Variants in SVIL observed in about 807,000 individuals in gnomAD.
The protein encoded by SVIL is supervillin, also known as archvillin.
Under a neutral mutation model 240.4 loss-of-function variants are expected in SVIL, and 101 were observed. That is an observed-to-expected ratio of 0.42 (90% CI 0.36 to 0.50). The LOEUF (loss-of-function observed/expected upper bound fraction) is 0.50. Ranked by LOEUF, SVIL falls within the 20% of genes least tolerant of loss-of-function variation. The probability of loss-of-function intolerance (pLI) is 0.01; values close to 1 mark genes in which losing one functional copy is unlikely to be tolerated. For synonymous variants in SVIL, 999 were observed against 1,100.0 expected (o/e 0.91, Z 1.82); for missense variants, 2,512 against 2,818.7 (o/e 0.89, Z 2.46).
At position 29,559,041 on chromosome 10, in the gene SVIL, C is replaced by T. The variant is rs953654569; in HGVS notation, c.-50-3933G>A. Among the ~76,000 whole-genome samples, 5 of 150,054 alleles carry T rather than the reference C, an allele frequency of 3.3e-5. No individual in the cohort carries two copies. In the South Asian group the frequency reaches 1.1e-3, roughly 32 times the overall value. On this transcript the variant is annotated intron_variant, in intron 3 of 37. Transcript: ENST00000355867. ...TAATCATATAAAACATGTTTTTGTA[C>T]TATTAATAGCATAAAGCCAATACTA...
chr10:29,496,640 T>C, intron 18 of SVIL: 1 of 265,714 alleles, frequency 3.8e-6, no homozygotes, highest in South Asian at 3.5e-5. Flanking sequence ...AATGAATGGC[T>C]CATGGCAGGG....
At chr10:29,687,008 T>TA (rs1011129727) in intron 1 of SVIL, among the ~76,000 whole-genome samples, 3 of 152,136 alleles carry the variant, frequency 2.0e-5, no homozygotes, top group East Asian at 1.9e-4. Flanking sequence ...AATAAAAGAT[T>TA]AAGCCTGGAG....
At chr10:29,597,522 C>A (rs1035372530) in intron 1 of SVIL, among the ~76,000 whole-genome samples, 1 of 152,054 alleles carries the variant, frequency 6.6e-6, no homozygotes, top group African/African-American at 2.4e-5. Flanking sequence ...GGTTCAGCCT[C>A]ACGAGTAGCT....
At chr10:29,588,416 T>A (rs377546667) in intron 1 of SVIL, among the ~76,000 whole-genome samples, 1 of 151,026 alleles carries the variant, frequency 6.6e-6, no homozygotes, top group Non-Finnish European at 1.5e-5. Flanking sequence ...TCCTGTGCAG[T>A]TTCTTGGACA....
At chr10:29,560,425 C>T (rs575441090) in intron 3 of SVIL, among the ~76,000 whole-genome samples, 2 of 152,210 alleles carry the variant, frequency 1.3e-5, no homozygotes, top group East Asian at 1.9e-4. Context: ...TGGAGTAATA[C>T]GTTTGGTCCA....
chr10:29,462,225 A>C, intron 36 of SVIL, 52 bp downstream of exon 36: 4 of 1,579,890 alleles, frequency 2.5e-6, no homozygotes, highest in Non-Finnish European at 3.4e-6. Flanking sequence ...AAGTTAACCC[A>C]CAATCCAAAA....
chr10:29,554,804 C>A lies in SVIL; in HGVS notation c.139G>T (p.Asp47Tyr). 9 of 1,606,676 alleles carry A rather than the reference C, an allele frequency of 5.6e-6. No individual in the cohort carries two copies. Among genetic ancestry groups the A allele is most frequent in the Non-Finnish European group, 5.9e-6 (7 of 1,176,574 alleles). ...EDTPRYMRAS[D>Y]PASPHIGRSN... ...TCACCGATGTGGGGGCTGGCAGGGT[C>A]GCTGGCTCTCATGTATCGAGGGGTG... is the stretch of plus-strand genomic sequence containing the variant. Residue 47 changes from aspartate to tyrosine, a missense_variant, in exon 5 of 38, where the codon GAC (aspartate) becomes TAC (tyrosine). Around this residue, in one of 3 missense-constraint regions of SVIL, gnomAD observed 1,443 missense variants for 1,486.6 expected, o/e 0.97. Coordinates refer to ENST00000355867, the MANE Select transcript of SVIL (RefSeq NM_021738.3).
At chr10:29,461,722 T>C (rs868007008) in intron 36 of SVIL, among the ~76,000 whole-genome samples, 1 of 152,196 alleles carries the variant, frequency 6.6e-6, no homozygotes, top group Non-Finnish European at 1.5e-5. Context: ...TTTTGGTGGA[T>C]AGAAGTTATG....
intron 3 of SVIL, among the ~76,000 whole-genome samples, chr10:29,656,774 G>A (rs1346244746): frequency 6.6e-6 from 1 of 152,190 alleles, no homozygotes; most frequent in Non-Finnish European, 1.5e-5. Flanking sequence ...CTCCTCGGCT[G>A]CAGCACCCAA....
intron 1 of SVIL, among the ~76,000 whole-genome samples, chr10:29,730,350 C>G (rs180887926): frequency 2.0e-5 from 3 of 152,256 alleles, no homozygotes; most frequent in Admixed American, 1.3e-4. Flanking sequence ...GAGACTCAAC[C>G]TCCAGCTTCG....
chr10:29,606,943 C>T (rs1195651908), intron 1 of SVIL, among the ~76,000 whole-genome samples: 1 of 151,988 alleles, frequency 6.6e-6, no homozygotes, highest in Admixed American at 6.6e-5. Flanking sequence ...TTAGTAGAGA[C>T]GAGGTTTCAC....
intron 1 of SVIL, among the ~76,000 whole-genome samples, chr10:29,633,430 T>C (rs545098680): frequency 1.3e-5 from 2 of 152,064 alleles, no homozygotes; most frequent in Admixed American, 6.6e-5. Context: ...ACCATGTAAA[T>C]TGGGCATTTA....
At chr10:29,729,453 GTGTGTGTGTGTGTGT>G (rs1964477165) in intron 1 of SVIL, among the ~76,000 whole-genome samples, 1 of 20,120 alleles carries the variant, frequency 5.0e-5, no homozygotes, top group African/African-American at 7.3e-5. Context: ...TTATGGAGGT[GTGTGTGTGTGTGTGT>G]GTGTGTGTGT....
intron 2 of SVIL, among the ~76,000 whole-genome samples, chr10:29,666,524 A>G (rs1959308917): frequency 6.6e-6 from 1 of 152,214 alleles, no homozygotes; most frequent in African/African-American, 2.4e-5. Flanking sequence ...ACTGCCTCGT[A>G]CAGACGACCC....
At chr10:29,576,022 A>C in intron 1 of SVIL, 1 of 818,260 alleles carries the variant, frequency 1.2e-6, no homozygotes, top group Non-Finnish European at 1.5e-6. Context: ...ATTGGGGTAT[A>C]AATGTGAGTT....
At chr10:29,514,380 G>A (rs576740706) in intron 16 of SVIL, among the ~76,000 whole-genome samples, 1 of 152,096 alleles carries the variant, frequency 6.6e-6, no homozygotes, top group African/African-American at 2.4e-5. Flanking sequence ...AGGATGACAG[G>A]TGTGCATCAC....
At chr10:29,702,865 C>T (rs928859317) in intron 1 of SVIL, among the ~76,000 whole-genome samples, 2 of 152,164 alleles carry the variant, frequency 1.3e-5, no homozygotes, top group Non-Finnish European at 2.9e-5. Flanking sequence ...CCTTTGACTT[C>T]AGACTTTAGG....
At chr10:29,546,754 G>A (rs772642848) in intron 6 of SVIL, among the ~76,000 whole-genome samples, 4 of 152,104 alleles carry the variant, frequency 2.6e-5, no homozygotes, top group South Asian at 2.1e-4. Context: ...GAGTGTCATC[G>A]TATTCGTATT....
At chr10:29,562,498 C>T (rs1188824307) in intron 3 of SVIL, among the ~76,000 whole-genome samples, 2 of 152,200 alleles carry the variant, frequency 1.3e-5, no homozygotes, top group Non-Finnish European at 1.5e-5. Context: ...CGGTGGCTCA[C>T]GCCTGTAATC....
Sources: allele counts gnomAD v4.1 joint callset (sites outside exome capture counted in the v4.1 genomes callset), GRCh38; gene constraint gnomAD v4.1.1; regional missense constraint gnomAD v4.1.1; transcripts MANE v1.5; gene names NCBI Gene and HGNC (gene_info 2026-07-23, HGNC 2026-07-21).